Variants in STK3 observed in about 807,000 individuals in gnomAD.
STK3 encodes the protein serine/threonine kinase 3.
Under a neutral mutation model 58.0 loss-of-function variants are expected in STK3, and 41 were observed. The observed-to-expected ratio is 0.71, with a 90% confidence interval of 0.55 to 0.92. The LOEUF is 0.92. STK3 is among the 40% of genes least tolerant of loss of function. The pLI is 0.00. For synonymous variants in STK3, 170 were observed against 191.0 expected, an observed-to-expected ratio of 0.89 and a Z score of 0.91; for missense variants, 479 against 602.7, an observed-to-expected ratio of 0.79 and a Z score of 2.15.
chr8:98,717,260 A>T (rs1043952932), intron 4 of STK3, among the ~76,000 whole-genome samples: 1 of 152,136 alleles, frequency 6.6e-6, no homozygotes, highest in African/African-American at 2.4e-5. Context: ...AATGGGAGAA[A>T]ACATTTAAAA....
chr8:98,398,091 C>A (rs1360911594), downstream of STK3, among the ~76,000 whole-genome samples: 1 of 152,302 alleles, frequency 6.6e-6, no homozygotes, highest in South Asian at 2.1e-4. Context: ...CATGTCAATG[C>A]CCCACATTGG....
chr8:98,623,310 C>G lies in STK3; in HGVS notation c.685-27141G>C, dbSNP rs542511001. ...ACGGACTGAATTGTGTCCTGTCCCC[C>G]CACCACCACCACTACCAAATTTTAT... On this transcript the variant is annotated intron_variant, in intron 6 of 10. Coordinates refer to ENST00000419617, the MANE Select transcript of STK3 (RefSeq NM_006281.4). Among the ~76,000 whole-genome samples the G allele has an allele frequency of 3.9e-5, 6 of 152,250 alleles. No homozygotes were observed. In the East Asian group the frequency reaches 5.8e-4, roughly 15 times the overall value.
At chr8:98,828,093 G>A (rs976978280), upstream of STK3, among the ~76,000 whole-genome samples, 4 of 151,236 alleles carry the variant, frequency 2.6e-5, no homozygotes, top group African/African-American at 9.7e-5. Context: ...TCCTGCCTCA[G>A]CCTCCCTAAT....
intron 1 of STK3, among the ~76,000 whole-genome samples, chr8:98,786,102 T>C (rs1832448981): frequency 6.6e-6 from 1 of 151,966 alleles, no homozygotes; most frequent in Admixed American, 6.6e-5. Flanking sequence ...AGATTGAAAA[T>C]CAATACTAAA....
intron 4 of STK3, among the ~76,000 whole-genome samples, chr8:98,712,409 C>G (rs56901937): frequency 6.6e-5 from 10 of 151,940 alleles, no homozygotes; most frequent in Admixed American, 6.6e-4. Flanking sequence ...CAGAGACACA[C>G]ATAGGCTCAA....
intron 7 of STK3, chr8:98,594,844 C>A (rs972564622): frequency 1.3e-5 from 2 of 152,140 alleles, no homozygotes; most frequent in Non-Finnish European, 2.9e-5. Flanking sequence ...AGTCCTGCCC[C>A]ATCCATAGTT....
intron 7 of STK3, among the ~76,000 whole-genome samples, chr8:98,582,052 A>G (rs1813948032): frequency 6.6e-6 from 1 of 152,196 alleles, no homozygotes; most frequent in African/African-American, 2.4e-5. Flanking sequence ...CATGAACAAA[A>G]TTTAAGAGGA....
At chr8:98,801,228 C>T (rs1056005968) in intron 1 of STK3, among the ~76,000 whole-genome samples, 1 of 152,064 alleles carries the variant, frequency 6.6e-6, no homozygotes, top group South Asian at 2.1e-4. Context: ...TGTAAACGCA[C>T]CAATCAGCAC....
Position 98,714,520 on chromosome 8 carries a change from C to G in STK3, c.352-7209G>C, listed in dbSNP as rs190358943. Among the ~76,000 whole-genome samples, 64 of 152,288 alleles carry G rather than the reference C, an allele frequency of 4.2e-4. 1 individual carries two copies. The East Asian group carries it at 9.1e-3, about 22-fold the overall frequency. On this transcript the variant is annotated intron_variant, in intron 4 of 10. Coordinates refer to ENST00000419617, the MANE Select transcript of STK3 (RefSeq NM_006281.4). ...AACAGAGAGACAAATCATGAGTGAA[C>G]TACCATTCACAATTGCTTCAAAGAG...
intron 6 of STK3, among the ~76,000 whole-genome samples, chr8:98,688,899 A>G (rs1388832586): frequency 1.3e-5 from 2 of 152,190 alleles, no homozygotes; most frequent in Non-Finnish European, 2.9e-5. Context: ...AAGAAAATAA[A>G]TAAGTAAAGT....
intron 6 of STK3, among the ~76,000 whole-genome samples, chr8:98,604,996 A>G (rs1816666584): frequency 6.6e-6 from 1 of 152,210 alleles, no homozygotes; most frequent in South Asian, 2.1e-4. Flanking sequence ...AACAAAAGTG[A>G]CATTTGCTCC....
chr8:98,730,244 C>A (rs1201433073), intron 4 of STK3, among the ~76,000 whole-genome samples: 2 of 152,160 alleles, frequency 1.3e-5, no homozygotes, highest in African/African-American at 4.8e-5. Flanking sequence ...AACAAGTCCA[C>A]CACCAGCCTT....
At chr8:98,619,979 T>A in intron 6 of STK3, among the ~76,000 whole-genome samples, 1 of 97,624 alleles carries the variant, frequency 1.0e-5, no homozygotes, top group South Asian at 4.8e-4. Flanking sequence ...TATACCCAAA[T>A]GACTATAAAT....
At chr8:98,458,143 A>C (rs1390454701) in intron 10 of STK3, among the ~76,000 whole-genome samples, 1 of 151,994 alleles carries the variant, frequency 6.6e-6, no homozygotes, top group Admixed American at 6.6e-5. Flanking sequence ...ACATGTGCAC[A>C]CACACATGTA....
intron 6 of STK3, among the ~76,000 whole-genome samples, chr8:98,612,058 CAT>C (rs1453937446): frequency 6.7e-6 from 1 of 148,830 alleles, no homozygotes; most frequent in African/African-American, 2.4e-5. Context: ...TATAAATATA[CAT>C]ATAATAGACA....
At chr8:98,410,387 C>T (rs1229423979) in intron 3 of STK3, among the ~76,000 whole-genome samples, 3 of 152,282 alleles carry the variant, frequency 2.0e-5, no homozygotes, top group East Asian at 1.9e-4. Flanking sequence ...TAACATGTGG[C>T]CCTATCTGTG....
intron 3 of STK3, among the ~76,000 whole-genome samples, chr8:98,423,398 G>T (rs1159265092): frequency 6.6e-6 from 1 of 152,230 alleles, no homozygotes; most frequent in Admixed American, 6.5e-5. Context: ...AGCAAAGCGG[G>T]CATGCGGCTG....
Position 98,598,288 on chromosome 8 carries a change from T to C in STK3, c.685-2119A>G, listed in dbSNP as rs149935112. The C allele has an allele frequency of 2.0e-3, 2,002 of 985,404 alleles. 25 individuals carry two copies. In the African/African-American group the frequency reaches 0.032, roughly 16 times the overall value. 61.0% of individuals were successfully genotyped at this position (985,404 alleles called of 1,614,324 possible). A position where few individuals can be genotyped will look rare whatever the true frequency, so the allele number is the denominator to read the frequency against. ...ATATAAGGCTCACCTTAGCAGTAGCTATTAGAAACCCAAGGATAAAAAGCT... is the reference window on the plus strand; with the variant it reads ...ATATAAGGCTCACCTTAGCAGTAGCCATTAGAAACCCAAGGATAAAAAGCT... On this transcript the variant is annotated intron_variant, in intron 6 of 10. Coordinates refer to ENST00000419617, the MANE Select transcript of STK3 (RefSeq NM_006281.4).
At chr8:98,730,688 C>T (rs904288863) in intron 4 of STK3, among the ~76,000 whole-genome samples, 26 of 142,756 alleles carry the variant, frequency 1.8e-4, no homozygotes, top group Admixed American at 1.2e-3. Context: ...TGCACTCCAG[C>T]CTGAACAACA....
Sources: allele counts gnomAD v4.1 joint callset (sites outside exome capture counted in the v4.1 genomes callset), GRCh38; gene constraint gnomAD v4.1.1; transcripts MANE v1.5; gene names NCBI Gene and HGNC (gene_info 2026-07-23, HGNC 2026-07-21).